SIN3A: variants seen among roughly 807,000 people sequenced by gnomAD.
The protein encoded by SIN3A is paired amphipathic helix protein Sin3a.
SIN3A carries 14 observed loss-of-function variants against 146.1 expected under a neutral mutation model. The observed-to-expected ratio is 0.10, with a 90% CI of 0.06 to 0.15. The LOEUF (loss-of-function observed/expected upper bound fraction) is 0.15, where lower values mean the gene tolerates loss of function less well. Ranked by LOEUF, SIN3A falls within the 10% of genes least tolerant of loss-of-function variation. SIN3A has a pLI of 1.00. For synonymous variants in SIN3A, 572 were observed against 572.0 expected, an observed-to-expected ratio of 1.00 and a Z score of 0.00; for missense variants, 1,028 against 1,576.0, an observed-to-expected ratio of 0.65 and a Z score of 5.89.
chr15:75,438,318 T>C (rs1464083196), intron 1 of SIN3A, among the ~76,000 whole-genome samples: 1 of 151,750 alleles, frequency 6.6e-6, no homozygotes, highest in Non-Finnish European at 1.5e-5. Context: ...TGAGCTGAGA[T>C]CGCGCCACCG....
At chr15:75,445,282 G>C (rs1480271175) in intron 1 of SIN3A, among the ~76,000 whole-genome samples, 1 of 148,678 alleles carries the variant, frequency 6.7e-6, no homozygotes, top group Non-Finnish European at 1.5e-5. Flanking sequence ...TCAGGAGGCT[G>C]AGACAGGAGA....
chr15:75,404,445 T>C (rs1311528115), intron 9 of SIN3A, among the ~76,000 whole-genome samples: 1 of 152,118 alleles, frequency 6.6e-6, no homozygotes, highest in Non-Finnish European at 1.5e-5. Context: ...AGTATATATG[T>C]TTAAGAAAAA....
At chr15:75,415,728 G>A (rs751807776) in intron 3 of SIN3A, 4 of 162,970 alleles carry the variant, frequency 2.5e-5, no homozygotes, top group Non-Finnish European at 5.3e-5. Flanking sequence ...GCGCATGTCT[G>A]TAATGCCAGC....
intron 9 of SIN3A, among the ~76,000 whole-genome samples, chr15:75,405,965 C>A (rs1490260775): frequency 6.6e-6 from 1 of 152,090 alleles, no homozygotes; most frequent in Admixed American, 6.6e-5. Context: ...CACATCAGAG[C>A]TAAGGACTCA....
At chr15:75,424,643 T>G (rs2073895026) in intron 2 of SIN3A, among the ~76,000 whole-genome samples, 3 of 152,042 alleles carry the variant, frequency 2.0e-5, no homozygotes, top group Admixed American at 6.6e-5. Context: ...CCTGGTTAAT[T>G]GTCGTACTTT....
intron 1 of SIN3A, chr15:75,446,349 G>A (rs1395551283): frequency 6.8e-6 from 1 of 147,380 alleles, no homozygotes; most frequent in Non-Finnish European, 1.5e-5. Flanking sequence ...CTTTGTGAGG[G>A]CTCACATGTG....
At chr15:75,389,514 A>C in intron 16 of SIN3A, 138 bp downstream of exon 16, 8 of 761,148 alleles carry the variant, frequency 1.1e-5, no homozygotes, top group East Asian at 2.6e-5. Flanking sequence ...GCATCACATT[A>C]ACCTCCCCTC....
chr15:75,412,683 C>CT, intron 5 of SIN3A, 80 bp downstream of exon 5: 1 of 1,355,724 alleles, frequency 7.4e-7, no homozygotes, highest in African/African-American at 1.5e-5. Flanking sequence ...GTATCTAAGT[C>CT]TTATATAAAG....
At chr15:75,429,339 C>T (rs1160586075) in intron 2 of SIN3A, among the ~76,000 whole-genome samples, 1 of 152,082 alleles carries the variant, frequency 6.6e-6, no homozygotes, top group Non-Finnish European at 1.5e-5. Context: ...GGGAGGACTG[C>T]TTGAGCCCAA....
Position 75,430,400 on chromosome 15 carries a change from C to G in SIN3A, c.-25G>C, listed in dbSNP as rs770765767. Reference sequence around the variant, plus strand: ...TTCTGTGCTCATGCTCAGGGATGCACTACAAAACCTGCAGAAACCAAAAGC... The same window carrying G: ...TTCTGTGCTCATGCTCAGGGATGCAGTACAAAACCTGCAGAAACCAAAAGC... On this transcript the variant is annotated 5_prime_UTR_variant, in exon 2 of 21. Transcript: ENST00000394947. 6.3e-7 allele frequency: 1 copy of G among 1,578,028 alleles called. No individual in the cohort carries two copies. Among genetic ancestry groups the G allele is most frequent in the South Asian group, 1.2e-5 (1 of 86,524 alleles).
chr15:75,380,345 C>T (rs995890678), intron 19 of SIN3A, among the ~76,000 whole-genome samples: 3 of 152,194 alleles, frequency 2.0e-5, no homozygotes, highest in African/African-American at 7.2e-5. Context: ...TATGCAGAGT[C>T]CTGTGAGTCC....
At chr15:75,453,075 G>T (rs561277554), upstream of SIN3A, 1 of 152,352 alleles carries the variant, frequency 6.6e-6, no homozygotes, top group Non-Finnish European at 1.5e-5. Flanking sequence ...GGATTACGTT[G>T]TTACCGCTCT....
At chr15:75,422,334 G>C in intron 3 of SIN3A, 1 of 595,750 alleles carries the variant, frequency 1.7e-6, no homozygotes, top group Non-Finnish European at 3.0e-6. Flanking sequence ...GCTCAATAGA[G>C]AGTTCAAAAG....
Position 75,400,919 on chromosome 15 carries a change from A to G in SIN3A, c.1548T>C (p.Asn516=). The G allele has an allele frequency of 1.9e-6, 3 of 1,613,564 alleles. No homozygotes were observed. The highest frequency in any genetic ancestry group is 2.5e-6 in the Non-Finnish European group (3 of 1,179,914). ...PFLGKFPELF[N]WFKNFLGYKE... is the part of the protein sequence containing the mutation. ...TATAGCCCAGAAAGTTTTTAAACCA[A>G]TTAAACAACTCAGGGAATTTCCTGA... Residue 516 remains asparagine (N), a synonymous_variant, in exon 11 of 21, where the codon AAT becomes AAC. Coordinates refer to ENST00000394947, the MANE Select transcript of SIN3A (RefSeq NM_001145358.2).
At chr15:75,392,882 C>T in intron 14 of SIN3A, 67 bp from the exon 15 acceptor site, 1 of 1,156,690 alleles carries the variant, frequency 8.6e-7, no homozygotes, top group Non-Finnish European at 1.2e-6. Flanking sequence ...TACAAGACCA[C>T]ATCAGCCATA....
intron 1 of SIN3A, among the ~76,000 whole-genome samples, chr15:75,433,364 TTAAG>T (rs1250579428): frequency 6.6e-6 from 1 of 152,178 alleles, no homozygotes; most frequent in South Asian, 2.1e-4. Context: ...TTTTCATACA[TTAAG>T]TATTACAGTA....
At chr15:75,430,532 T>TAAGATGAAA in intron 1 of SIN3A, 124 bp from the exon 2 acceptor site, 1 of 664,276 alleles carries the variant, frequency 1.5e-6, no homozygotes, top group Non-Finnish European at 2.4e-6. Flanking sequence ...CTATTTCATC[T>TAAGATGAAA]TAGTGATGAA....
At chr15:75,420,769 G>A (rs2073828686) in intron 3 of SIN3A, 1 of 152,188 alleles carries the variant, frequency 6.6e-6, no homozygotes, top group Admixed American at 6.5e-5. Flanking sequence ...AAAAATGACA[G>A]GCAATGTGGG....
At chr15:75,389,931 C>T in intron 15 of SIN3A, 110 bp from the exon 16 acceptor site, 1 of 983,210 alleles carries the variant, frequency 1.0e-6, no homozygotes, top group African/African-American at 1.6e-5. Context: ...AGTATGAACA[C>T]TAGGTATTCA....
Sources: gnomAD v4.1 joint callset for allele counts (sites outside exome capture counted in the v4.1 genomes callset) on GRCh38, gnomAD v4.1.1 for gene constraint, MANE v1.5 for transcripts, NCBI Gene and HGNC (gene_info 2026-07-23, HGNC 2026-07-21) for gene names.